The following PCDH15 variants were observed in gnomAD, a reference collection of about 807,000 sequenced individuals.
PCDH15 encodes the protein protocadherin related 15.
In PCDH15, 129 loss-of-function variants were observed where a neutral mutation model predicts 178.5. The observed-to-expected ratio is 0.72, with a 90% CI of 0.63 to 0.84. The LOEUF (loss-of-function observed/expected upper bound fraction) is 0.84. Ranked by LOEUF, PCDH15 falls within the 40% of genes least tolerant of loss-of-function variation. The pLI, the probability that PCDH15 is intolerant of heterozygous loss-of-function variation, is 0.00. For missense variants in PCDH15, 2,230 were observed against 2,099.9 expected (o/e 1.06, Z -1.21); for synonymous variants, 800 against 732.0 (o/e 1.09, Z -1.50).
chr10:55,602,347 A>C (rs1427515607), intron 2 of PCDH15, among the ~76,000 whole-genome samples: 3 of 133,606 alleles, frequency 2.2e-5, no homozygotes, highest in African/African-American at 7.7e-5. Context: ...GCTTAGGTAA[A>C]AAAAGCGGCT....
At chr10:54,603,477 T>C (rs919143668) in intron 2 of PCDH15, among the ~76,000 whole-genome samples, 4 of 151,842 alleles carry the variant, frequency 2.6e-5, no homozygotes, top group Non-Finnish European at 5.9e-5. Context: ...TTAGGTTGTT[T>C]ATTTGAGATG....
At position 55,039,038 on chromosome 10, in the gene PCDH15, A is replaced by G. The variant is rs568972126; in HGVS notation, c.-80+127538T>C. Among the ~76,000 whole-genome samples the G allele has an allele frequency of 1.6e-3, 238 of 152,136 alleles. 3 individuals are homozygous for G. The highest frequency in any genetic ancestry group is 5.5e-3 in the African/African-American group (228 of 41,520). Reference sequence around the variant, plus strand: ...TTGTAAATGTGGTTATCTTTTAAAAATTTTCTCATTAATTATCCCATATCT... The same window carrying G: ...TTGTAAATGTGGTTATCTTTTAAAAGTTTTCTCATTAATTATCCCATATCT... On this transcript the variant is annotated intron_variant, in intron 2 of 5. Coordinates refer to the PCDH15 transcript ENST00000458638.
Position 55,344,852 on chromosome 10 carries a change from C to A in PCDH15, c.-155-178201G>T, listed in dbSNP as rs183145428. On this transcript the variant is annotated intron_variant, in intron 2 of 5. Transcript: ENST00000613346. ...TTCATATGCACTAAAGAAAAAAGGT[C>A]CAAGGATTGCACTCTGGGTCTGCCA... Among the ~76,000 whole-genome samples the A allele has an allele frequency of 2.2e-3, 335 of 152,066 alleles. 3 individuals are homozygous for A. Among genetic ancestry groups the A allele is most frequent in the African/African-American group, 7.5e-3 (313 of 41,496 alleles).
intron 1 of PCDH15, among the ~76,000 whole-genome samples, chr10:54,732,038 A>C (rs946590646): frequency 2.0e-5 from 3 of 151,322 alleles, no homozygotes; most frequent in Admixed American, 6.6e-5. Flanking sequence ...ATATGACATT[A>C]TCACATGTAA....
At chr10:54,772,928 T>A (rs992451161) in intron 1 of PCDH15, among the ~76,000 whole-genome samples, 1 of 152,132 alleles carries the variant, frequency 6.6e-6, no homozygotes, top group Non-Finnish European at 1.5e-5. Context: ...TAGAATACTA[T>A]GCAGCATAAA....
chr10:54,929,135 C>T (rs932523916), intron 2 of PCDH15, among the ~76,000 whole-genome samples: 1 of 152,100 alleles, frequency 6.6e-6, no homozygotes, highest in Non-Finnish European at 1.5e-5. Flanking sequence ...TGACCATGAG[C>T]GTTTGATTGT....
intron 8 of PCDH15, among the ~76,000 whole-genome samples, chr10:54,306,037 C>G (rs1033291293): frequency 2.0e-5 from 3 of 151,860 alleles, no homozygotes; most frequent in Admixed American, 2.0e-4. Flanking sequence ...TATCATAGCA[C>G]TGAAGCATGG....
At chr10:54,047,509 A>G (rs988579904) in intron 18 of PCDH15, among the ~76,000 whole-genome samples, 12 of 151,928 alleles carry the variant, frequency 7.9e-5, no homozygotes, top group Non-Finnish European at 1.6e-4. Context: ...TCTATTGCCC[A>G]TGTAGTGAGC....
intron 1 of PCDH15, among the ~76,000 whole-genome samples, chr10:55,230,892 T>C (rs775065139): frequency 1.3e-5 from 2 of 152,024 alleles, no homozygotes; most frequent in Non-Finnish European, 2.9e-5. Context: ...GGGTTGTTAA[T>C]GGTCATACAT....
At chr10:54,956,092 A>G (rs1353928292) in intron 2 of PCDH15, among the ~76,000 whole-genome samples, 1 of 151,348 alleles carries the variant, frequency 6.6e-6, no homozygotes, top group African/African-American at 2.4e-5. Flanking sequence ...TTCTTCCTCA[A>G]ATTGGAGAGC....
intron 2 of PCDH15, among the ~76,000 whole-genome samples, chr10:54,969,558 C>G (rs1838880966): frequency 6.6e-6 from 1 of 152,204 alleles, no homozygotes; most frequent in African/African-American, 2.4e-5. Flanking sequence ...AAGGAAGACT[C>G]TGCAAATCTC....
intron 2 of PCDH15, among the ~76,000 whole-genome samples, chr10:55,411,498 A>G (rs1245526701): frequency 6.6e-6 from 1 of 152,146 alleles, no homozygotes. Flanking sequence ...TCTCCAAGGC[A>G]TAGTTAACAC....
At chr10:54,265,812 C>A (rs181193767) in intron 8 of PCDH15, among the ~76,000 whole-genome samples, 88 of 152,010 alleles carry the variant, frequency 5.8e-4, no homozygotes, top group African/African-American at 1.9e-3. Flanking sequence ...ATGTAGACAG[C>A]CCCTCAGTAA....
intron 2 of PCDH15, among the ~76,000 whole-genome samples, chr10:55,528,326 A>G (rs1841353102): frequency 6.6e-6 from 1 of 151,988 alleles, no homozygotes; most frequent in Admixed American, 6.6e-5. Context: ...TGCTGCACCC[A>G]TTAACTGCTC....
intron 15 of PCDH15, among the ~76,000 whole-genome samples, chr10:54,118,300 C>T (rs747128126): frequency 1.3e-5 from 2 of 152,152 alleles, no homozygotes; most frequent in Non-Finnish European, 2.9e-5. Flanking sequence ...GAAAAACTCC[C>T]TATTAAATCA....
chr10:55,484,172 G>T (rs1203681377), intron 2 of PCDH15, among the ~76,000 whole-genome samples: 1 of 151,510 alleles, frequency 6.6e-6, no homozygotes, highest in Non-Finnish European at 1.5e-5. Flanking sequence ...AGAGGTTCAG[G>T]AAAAACAACT....
chr10:55,474,278 T>G (rs1353106023), intron 2 of PCDH15, among the ~76,000 whole-genome samples: 1 of 152,078 alleles, frequency 6.6e-6, no homozygotes, highest in African/African-American at 2.4e-5. Flanking sequence ...CTACAGTACA[T>G]TACACTGAAT....
intron 3 of PCDH15, among the ~76,000 whole-genome samples, chr10:54,520,284 A>C (rs920325775): frequency 1.3e-5 from 2 of 152,120 alleles, no homozygotes; most frequent in Admixed American, 6.6e-5. Context: ...GCAACCTACA[A>C]AATGGGAGAA....
chr10:54,232,084 GT>G (rs1362123322), intron 9 of PCDH15, among the ~76,000 whole-genome samples: 3 of 152,174 alleles, frequency 2.0e-5, no homozygotes, highest in South Asian at 2.1e-4. Flanking sequence ...TCATGATATG[GT>G]TTGGATTTGT....
Sources: allele counts gnomAD v4.1 joint callset (sites outside exome capture counted in the v4.1 genomes callset), GRCh38; gene constraint gnomAD v4.1.1; transcripts MANE v1.5; gene names NCBI Gene and HGNC (gene_info 2026-07-23, HGNC 2026-07-21).